Variants in PDE11A observed in about 807,000 individuals in gnomAD.
The protein encoded by PDE11A is dual 3',5'-cyclic-AMP and -GMP phosphodiesterase 11A.
PDE11A carries 100 observed loss-of-function variants against 100.5 expected under a neutral mutation model. The ratio of observed to expected loss-of-function variants is 1.00; its 90% CI spans 0.85 to 1.18. The LOEUF (loss-of-function observed/expected upper bound fraction) is 1.18. Ranked by LOEUF, PDE11A falls within the 50% of genes most tolerant of loss-of-function variation. The pLI is 0.00. For synonymous variants in PDE11A, 381 were observed against 420.8 expected (o/e 0.91, Z 1.16); for missense variants, 1,141 against 1,152.6 (o/e 0.99, Z 0.15).
intron 2 of PDE11A, chr2:177,997,719 G>A (rs2086094480): frequency 6.5e-7 from 1 of 1,537,782 alleles, no homozygotes; most frequent in Non-Finnish European, 9.0e-7. Context: ...GGCCCAACTG[G>A]TGAAAACTGT....
intron 2 of PDE11A, among the ~76,000 whole-genome samples, chr2:177,990,068 AAAT>A (rs138704885): frequency 6.6e-6 from 1 of 152,262 alleles, no homozygotes; most frequent in East Asian, 1.9e-4. Context: ...CAGCTTCTTT[AAAT>A]AATAATAATA....
chr2:177,635,578 A>T (rs1445104269), intron 19 of PDE11A, among the ~76,000 whole-genome samples: 1 of 152,220 alleles, frequency 6.6e-6, no homozygotes, highest in African/African-American at 2.4e-5. Flanking sequence ...GTTTTGAATA[A>T]GGAACACATT....
At position 177,669,543 on chromosome 2, in the gene PDE11A, A is replaced by G. The variant is rs774138805; in HGVS notation, c.2512T>C (p.Phe838Leu). The stretch of plus-strand genomic sequence containing the variant: ...CTCTCCCGATCTCCTTGTTCGAAGA[A>G]CTCACTGGTTACAAGTTCTGCCACC... ...RQVAELVTSE[F>L]FEQGDRERLE... is the part of the protein sequence containing the mutation. The change falls in exon 18 of 20, where the codon TTC becomes CTC. Residue 838 changes from phenylalanine (F) to leucine (L), a missense_variant. Phe to Leu is a conservative substitution (Grantham distance 22). Transcript: ENST00000286063. 3 of 1,476,430 alleles carry G rather than the reference A, an allele frequency of 2.0e-6. No individual in the cohort carries two copies. The highest frequency in any genetic ancestry group is 2.8e-6 in the Non-Finnish European group (3 of 1,054,824). The allele number at this position is 1,476,430 out of a possible 1,614,324, so 91.5% of individuals were successfully genotyped here. A position where few individuals can be genotyped will look rare whatever the true frequency, so the allele number is the denominator to read the frequency against.
chr2:177,644,669 AC>A (rs1359332312), intron 19 of PDE11A, among the ~76,000 whole-genome samples: 1 of 152,128 alleles, frequency 6.6e-6, no homozygotes, highest in Non-Finnish European at 1.5e-5. Context: ...AAATGTGGGG[AC>A]ATGAGATTTG....
intron 2 of PDE11A, among the ~76,000 whole-genome samples, chr2:177,925,526 T>C (rs2085114608): frequency 6.6e-6 from 1 of 152,214 alleles, no homozygotes; most frequent in African/African-American, 2.4e-5. Flanking sequence ...ATAAATGTCT[T>C]CTTTTGAGAA....
chr2:177,656,655 T>C (rs2080389335), intron 19 of PDE11A, among the ~76,000 whole-genome samples: 1 of 152,228 alleles, frequency 6.6e-6, no homozygotes, highest in African/African-American at 2.4e-5. Context: ...GCCAGGAATA[T>C]GGTGGCTCCA....
At chr2:178,050,440 G>T (rs1311188690) in intron 1 of PDE11A, among the ~76,000 whole-genome samples, 1 of 152,144 alleles carries the variant, frequency 6.6e-6, no homozygotes, top group African/African-American at 2.4e-5. Flanking sequence ...AAATCAGAGT[G>T]CCTCTTCTCC....
intron 2 of PDE11A, among the ~76,000 whole-genome samples, chr2:178,092,152 T>C (rs2087431037): frequency 6.6e-6 from 1 of 152,200 alleles, no homozygotes; most frequent in Non-Finnish European, 1.5e-5. Context: ...GCTAATGTCT[T>C]CTATATTTAC....
At chr2:178,053,245 C>G (rs987394477) in intron 1 of PDE11A, among the ~76,000 whole-genome samples, 2 of 152,162 alleles carry the variant, frequency 1.3e-5, no homozygotes, top group African/African-American at 4.8e-5. Context: ...ATCATATAAA[C>G]AGAACCAATG....
intron 15 of PDE11A, among the ~76,000 whole-genome samples, chr2:177,694,320 T>C (rs959863278): frequency 3.3e-5 from 5 of 152,194 alleles, no homozygotes; most frequent in Non-Finnish European, 7.3e-5. Flanking sequence ...GGGAAAATTC[T>C]TCTACTTTGA....
chr2:177,711,928 G>A (rs1416970797), intron 12 of PDE11A, 50 bp from the exon 13 acceptor site: 2 of 951,386 alleles, frequency 2.1e-6, no homozygotes, highest in Non-Finnish European at 3.4e-6. Context: ...TACGGAGGAT[G>A]GATAAGGTTA....
At chr2:177,966,041 T>G (rs555208579) in intron 2 of PDE11A, among the ~76,000 whole-genome samples, 4 of 152,256 alleles carry the variant, frequency 2.6e-5, no homozygotes, top group African/African-American at 9.6e-5. Flanking sequence ...TTCAGCAGTG[T>G]TTCGTAATTC....
chr2:178,010,906 C>T (rs1472741927), intron 2 of PDE11A, among the ~76,000 whole-genome samples: 3 of 152,098 alleles, frequency 2.0e-5, no homozygotes, highest in African/African-American at 7.2e-5. Flanking sequence ...ATATATTCCC[C>T]TTTTAACTGG....
intron 19 of PDE11A, among the ~76,000 whole-genome samples, chr2:177,653,343 C>G (rs2105463447): frequency 6.6e-6 from 1 of 152,286 alleles, no homozygotes; most frequent in Middle Eastern, 3.4e-3. Flanking sequence ...GGCTGTTGAC[C>G]TGGCTGTGTG....
chr2:177,727,674 A>C lies in PDE11A; in HGVS notation c.2027T>G (p.Met676Arg), dbSNP rs374929040. 16 of 1,598,854 alleles carry C rather than the reference A, an allele frequency of 1.0e-5. No homozygotes were observed. The highest frequency in any genetic ancestry group is 2.7e-5 in the African/African-American group (2 of 74,582). Reference protein sequence around the residue: ...WRHAFNVCQLMFAMLTTAGFQ... With the variant: ...WRHAFNVCQLRFAMLTTAGFQ... ...CACACTTACGGTTAACATCGCGAAC[A>C]TCAGCTGACACACGTTGAAGGCATG... The change falls in exon 12 of 20, where the codon ATG becomes AGG. Residue 676 changes from methionine to arginine, a missense_variant. By Grantham distance (91) the Met-to-Arg change is moderately conservative. Coordinates refer to ENST00000286063, the MANE Select transcript of PDE11A (RefSeq NM_016953.4).
At position 177,954,355 on chromosome 2, in the gene PDE11A, G is replaced by A. The variant is rs1248322816; in HGVS notation, c.1072-49168C>T. 4.6e-5 allele frequency among the ~76,000 whole-genome samples: 7 copies of A among 151,984 alleles called. 1 individual carries two copies. The highest frequency in any genetic ancestry group is 3.2e-3 in the Middle Eastern group (1 of 316). On this transcript the variant is annotated intron_variant, in intron 2 of 19. Coordinates refer to ENST00000286063, the MANE Select transcript of PDE11A (RefSeq NM_016953.4). ...AGCATATCAAGTATCCTCCATAAAA[G>A]AGCCCAAGAGAGAGGTCCTTTTCAG... is the stretch of plus-strand genomic sequence containing the variant.
At chr2:178,053,801 AC>A (rs1329526603) in intron 1 of PDE11A, among the ~76,000 whole-genome samples, 4 of 152,180 alleles carry the variant, frequency 2.6e-5, no homozygotes, top group African/African-American at 7.2e-5. Flanking sequence ...AATACAACTT[AC>A]AAGGGACGTG....
intron 2 of PDE11A, among the ~76,000 whole-genome samples, chr2:177,963,410 T>C (rs938057614): frequency 6.6e-6 from 1 of 152,184 alleles, no homozygotes; most frequent in Non-Finnish European, 1.5e-5. Context: ...TTATGAGATA[T>C]CAGAGCAGGA....
At chr2:177,721,428 G>A (rs1432225068) in intron 12 of PDE11A, among the ~76,000 whole-genome samples, 1 of 152,018 alleles carries the variant, frequency 6.6e-6, no homozygotes, top group Non-Finnish European at 1.5e-5. Flanking sequence ...TGTACAAAAA[G>A]ATATACAAAT....
Sources: gnomAD v4.1 joint callset for allele counts (sites outside exome capture counted in the v4.1 genomes callset) on GRCh38, gnomAD v4.1.1 for gene constraint, MANE v1.5 for transcripts, NCBI Gene and HGNC (gene_info 2026-07-23, HGNC 2026-07-21) for gene names.